UBE3C: variants seen among roughly 807,000 people sequenced by gnomAD.
UBE3C encodes the protein ubiquitin protein ligase E3C.
Under a neutral mutation model 129.4 loss-of-function variants are expected in UBE3C, and 42 were observed. That is an observed-to-expected ratio of 0.32 (90% CI 0.25 to 0.42). The LOEUF (loss-of-function observed/expected upper bound fraction) is 0.42. Among genes scored for constraint, UBE3C ranks in the 10% least tolerant of loss-of-function variants. The pLI is 1.00. For synonymous variants in UBE3C, 510 were observed against 492.4 expected (o/e 1.04, Z -0.47); for missense variants, 1,049 against 1,319.1 (o/e 0.80, Z 3.17).
chr7:157,209,032 T>C (rs1404777111), intron 13 of UBE3C, among the ~76,000 whole-genome samples: 1 of 152,252 alleles, frequency 6.6e-6, no homozygotes, highest in Non-Finnish European at 1.5e-5. Context: ...ATCTATTTAA[T>C]TGAAAGAAGT....
Position 157,197,691 on chromosome 7 carries a change from G to T in UBE3C, c.1332-4030G>T, listed in dbSNP as rs1809160663. The T allele has an allele frequency of 1.9e-6, 3 of 1,609,476 alleles. No individual in the cohort carries two copies. The African/African-American group carries it at 4.0e-5, about 22-fold the overall frequency. Reference sequence around the variant, plus strand: ...TGTTAGCTCTTTATTCGGAAATGAAGTCACAAGAATAAAGTCAAGAGCTGC... The same window carrying T: ...TGTTAGCTCTTTATTCGGAAATGAATTCACAAGAATAAAGTCAAGAGCTGC... On this transcript the variant is annotated intron_variant, in intron 10 of 22. Coordinates refer to ENST00000348165, the MANE Select transcript of UBE3C (RefSeq NM_014671.3).
At chr7:157,169,210 T>G (rs1808299198) in intron 3 of UBE3C, 88 bp downstream of exon 3, 1 of 979,436 alleles carries the variant, frequency 1.0e-6, no homozygotes, top group East Asian at 2.5e-5. Context: ...TTAATTGAAG[T>G]CAATGCTGAC....
intron 2 of UBE3C, among the ~76,000 whole-genome samples, chr7:157,165,898 A>C (rs1808199800): frequency 6.6e-6 from 1 of 151,968 alleles, no homozygotes; most frequent in African/African-American, 2.4e-5. Flanking sequence ...TTGATTTTTA[A>C]TCTGATGGGG....
chr7:157,171,678 ATATATATATTTTTTTTTTTTTTTTTTTT>A (rs1483181852), intron 4 of UBE3C, among the ~76,000 whole-genome samples: 2 of 32,162 alleles, frequency 6.2e-5, no homozygotes, highest in Admixed American at 3.8e-4. Context: ...ATATATATAT[ATATATATATTTTTTTTTTTTTTTTTTTT>A]TTTTTTTTTT....
At position 157,226,232 on chromosome 7, in the gene UBE3C, T is replaced by C. The variant is rs1007759987; in HGVS notation, c.2233+693T>C. Reference sequence around the variant, plus strand: ...TTAAACATATTAAAATAAGTGCCATTGCAATCCAAGTTTCTTATGAAAAGA... The same window carrying C: ...TTAAACATATTAAAATAAGTGCCATCGCAATCCAAGTTTCTTATGAAAAGA... On this transcript the variant is annotated intron_variant, in intron 17 of 22. Transcript: ENST00000348165. Among the ~76,000 whole-genome samples, 10 of 152,104 alleles carry C rather than the reference T, an allele frequency of 6.6e-5. No individual in the cohort carries two copies. The East Asian group carries it at 1.7e-3, about 26-fold the overall frequency.
At chr7:157,240,743 G>A (rs1011055608) in intron 18 of UBE3C, among the ~76,000 whole-genome samples, 4 of 152,168 alleles carry the variant, frequency 2.6e-5, no homozygotes, top group African/African-American at 9.7e-5. Flanking sequence ...CTGTGGAGTC[G>A]AGGTCCTTCA....
At chr7:157,224,901 A>G (rs1375412332) in intron 16 of UBE3C, among the ~76,000 whole-genome samples, 1 of 152,164 alleles carries the variant, frequency 6.6e-6, no homozygotes, top group Non-Finnish European at 1.5e-5. Context: ...TTTGTCAGAG[A>G]TATTTCTACT....
chr7:157,160,687 TGA>T (rs1224900757), intron 1 of UBE3C, among the ~76,000 whole-genome samples: 6 of 152,200 alleles, frequency 3.9e-5, no homozygotes, highest in Non-Finnish European at 8.8e-5. Flanking sequence ...ATCTATATCT[TGA>T]GAGATACTTT....
At chr7:157,145,707 TTTTCA>T (rs1293684791) in intron 1 of UBE3C, among the ~76,000 whole-genome samples, 1 of 152,240 alleles carries the variant, frequency 6.6e-6, no homozygotes, top group Non-Finnish European at 1.5e-5. Flanking sequence ...TTTAAGGCTC[TTTTCA>T]TGGCTTGACA....
chr7:157,235,463 A>G (rs1391857256), intron 18 of UBE3C, among the ~76,000 whole-genome samples: 6 of 152,240 alleles, frequency 3.9e-5, no homozygotes, highest in Non-Finnish European at 8.8e-5. Context: ...TGATTAATGT[A>G]GAAGCTAATA....
Position 157,194,571 on chromosome 7 carries a change from G to T in UBE3C, c.1332-7150G>T, listed in dbSNP as rs544162545. Among the ~76,000 whole-genome samples, 252 of 152,334 alleles carry T rather than the reference G, an allele frequency of 1.7e-3. 2 individuals are homozygous for T. Among genetic ancestry groups the T allele is most frequent in the South Asian group, 7.0e-3 (34 of 4,828 alleles). ...AGAATTCTGAGGCGCATGCCAGAAA[G>T]AAGCCAAATTGCCTTAAACAGACTG... On this transcript the variant is annotated intron_variant, in intron 10 of 22. Coordinates refer to ENST00000348165, the MANE Select transcript of UBE3C (RefSeq NM_014671.3).
chr7:157,256,967 G>C lies in UBE3C; in HGVS notation c.3004G>C (p.Gly1002Arg). ...VIKVFWRVVE[G>R]FTDEEKRKLL... ...TAAGGTCTTCTGGAGAGTTGTGGAA[G>C]GGTTCACTGATGAAGAAAAGCGCAA... Residue 1002 changes from glycine (G) to arginine (R), a missense_variant, in exon 22 of 23, where the codon GGG becomes CGG. Transcript: ENST00000348165. The C allele has an allele frequency of 6.2e-7, 1 of 1,614,186 alleles. No homozygotes were observed. Among genetic ancestry groups the C allele is most frequent in the South Asian group, 1.1e-5 (1 of 91,088 alleles).
chr7:157,249,474 A>G (rs1796567649), intron 19 of UBE3C, among the ~76,000 whole-genome samples: 1 of 152,060 alleles, frequency 6.6e-6, no homozygotes, highest in African/African-American at 2.4e-5. Flanking sequence ...CACCACGCCC[A>G]GCTAATTTTT....
At chr7:157,251,144 G>T (rs1038326398) in intron 19 of UBE3C, among the ~76,000 whole-genome samples, 3 of 152,154 alleles carry the variant, frequency 2.0e-5, no homozygotes, top group African/African-American at 7.2e-5. Flanking sequence ...AGATCTTAAG[G>T]ATTTCTGTAG....
intron 1 of UBE3C, among the ~76,000 whole-genome samples, chr7:157,155,266 A>G (rs529591803): frequency 4.3e-4 from 65 of 152,284 alleles, no homozygotes; most frequent in African/African-American, 1.3e-3. Context: ...CTCAAAGGCA[A>G]TGTTCTTTGA....
At chr7:157,170,607 G>A (rs1224811957) in intron 4 of UBE3C, among the ~76,000 whole-genome samples, 157 bp downstream of exon 4, 3 of 152,184 alleles carry the variant, frequency 2.0e-5, no homozygotes, top group Admixed American at 6.5e-5. Flanking sequence ...CCTATGTGGT[G>A]ATGTGTTTTA....
chr7:157,167,517 T>A (rs1218610759), intron 2 of UBE3C, among the ~76,000 whole-genome samples: 2 of 152,080 alleles, frequency 1.3e-5, no homozygotes, highest in Admixed American at 1.3e-4. Context: ...TGCATTTGTA[T>A]ATAAAATGCC....
intron 10 of UBE3C, among the ~76,000 whole-genome samples, chr7:157,201,139 C>T (rs1370757042): frequency 2.6e-5 from 4 of 151,830 alleles, no homozygotes; most frequent in East Asian, 3.9e-4. Flanking sequence ...GCCTGGCCAA[C>T]GTTGTGAAAC....
At position 157,181,679 on chromosome 7, in the gene UBE3C, T is replaced by G. The variant is rs754036825; in HGVS notation, c.770+8T>G. ...CTGTCCGGAAGGTGCGAGGTGAGAC[T>G]GGAATGGATTTATTGATTTTGTCCT... is the stretch of plus-strand genomic sequence containing the variant. On this transcript the variant is annotated splice_region_variant and intron_variant, in intron 7 of 22. Transcript: ENST00000348165. 6.2e-7 allele frequency: 1 copy of G among 1,611,358 alleles called. No homozygotes were observed. Among genetic ancestry groups the G allele is most frequent in the South Asian group, 1.1e-5 (1 of 90,104 alleles).
Sources: allele counts gnomAD v4.1 joint callset (sites outside exome capture counted in the v4.1 genomes callset), GRCh38; gene constraint gnomAD v4.1.1; transcripts MANE v1.5; gene names NCBI Gene and HGNC (gene_info 2026-07-23, HGNC 2026-07-21).